F13A1: variants seen among roughly 807,000 people sequenced by gnomAD.
The protein encoded by F13A1 is FSF, A subunit.
Under a neutral mutation model 80.1 loss-of-function variants are expected in F13A1, and 47 were observed. The ratio of observed to expected loss-of-function variants is 0.59; its 90% CI spans 0.46 to 0.75. The LOEUF (loss-of-function observed/expected upper bound fraction) is 0.75, where lower values mean the gene tolerates loss of function less well. Ranked by LOEUF, F13A1 falls within the 30% of genes least tolerant of loss-of-function variation. F13A1 has a pLI of 0.00. For missense variants in F13A1, 817 were observed against 930.4 expected (o/e 0.88, Z 1.59); for synonymous variants, 349 against 344.9 (o/e 1.01, Z -0.13).
chr6:6,279,989 T>G (rs1438792881), intron 3 of F13A1, among the ~76,000 whole-genome samples: 1 of 152,228 alleles, frequency 6.6e-6, no homozygotes, highest in Non-Finnish European at 1.5e-5. Flanking sequence ...CTTTGGAGTA[T>G]ATATGAATGC....
chr6:6,187,186 T>G (rs2151078933), intron 10 of F13A1, among the ~76,000 whole-genome samples: 1 of 130,348 alleles, frequency 7.7e-6, no homozygotes, highest in South Asian at 2.5e-4. Flanking sequence ...ACAATTTCAC[T>G]TCCTCTTTTC....
At chr6:6,159,576 G>C (rs1162597030) in intron 13 of F13A1, among the ~76,000 whole-genome samples, 1 of 152,170 alleles carries the variant, frequency 6.6e-6, no homozygotes, top group Non-Finnish European at 1.5e-5. Flanking sequence ...GTTGGCGAGT[G>C]GGCTGGACTG....
intron 8 of F13A1, among the ~76,000 whole-genome samples, chr6:6,216,679 GATCTAATGAAACT>G: frequency 6.7e-6 from 1 of 148,454 alleles, no homozygotes; most frequent in South Asian, 2.1e-4. Flanking sequence ...TGACAAATGG[GATCTAATGAAACT>G]CAAGAGCTTC....
chr6:6,216,063 G>A (rs1583076378), intron 8 of F13A1, among the ~76,000 whole-genome samples: 1 of 146,148 alleles, frequency 6.8e-6, no homozygotes, highest in African/African-American at 2.6e-5. Flanking sequence ...CATGCGCATG[G>A]GTAGCAAGAA....
At chr6:6,270,256 C>A (rs529582438) in intron 3 of F13A1, among the ~76,000 whole-genome samples, 1 of 152,256 alleles carries the variant, frequency 6.6e-6, no homozygotes, top group East Asian at 1.9e-4. Context: ...TGAAGTCTAA[C>A]ACTTGAGCCT....
intron 2 of F13A1, among the ~76,000 whole-genome samples, chr6:6,306,173 T>C (rs575632559): frequency 6.6e-6 from 1 of 152,286 alleles, no homozygotes; most frequent in South Asian, 2.1e-4. Context: ...TTCCATGAGA[T>C]AAGTGTGATT....
intron 3 of F13A1, among the ~76,000 whole-genome samples, chr6:6,299,976 A>C (rs567780362): frequency 0.01 from 1,507 of 147,048 alleles, 44 homozygotes; most frequent in Non-Finnish European, 0.014. Context: ...CAGACAGGAC[A>C]CTCAGCTGCA....
intron 2 of F13A1, among the ~76,000 whole-genome samples, chr6:6,314,126 C>T (rs1181398958): frequency 1.2e-4 from 18 of 151,796 alleles, no homozygotes; most frequent in Admixed American, 1.1e-3. Flanking sequence ...GGATTACAGG[C>T]GCCAACCACC....
chr6:6,188,139 G>C (rs974115184), intron 10 of F13A1, among the ~76,000 whole-genome samples: 1 of 151,888 alleles, frequency 6.6e-6, no homozygotes, highest in Non-Finnish European at 1.5e-5. Context: ...TCTTGCTTGC[G>C]GTCTATCAGT....
chr6:6,259,928 C>G (rs1463372916), intron 4 of F13A1, among the ~76,000 whole-genome samples: 1 of 152,200 alleles, frequency 6.6e-6, no homozygotes, highest in Non-Finnish European at 1.5e-5. Context: ...TCAGGACCCA[C>G]TATCTGGCAC....
intron 2 of F13A1, among the ~76,000 whole-genome samples, chr6:6,312,694 A>C (rs1407391084): frequency 1.3e-5 from 2 of 150,770 alleles, no homozygotes; most frequent in Non-Finnish European, 2.9e-5. Context: ...AAAACAAAAA[A>C]AGTCTGTCTT....
intron 3 of F13A1, among the ~76,000 whole-genome samples, chr6:6,284,664 C>T (rs769563153): frequency 3.3e-5 from 5 of 152,186 alleles, no homozygotes; most frequent in Non-Finnish European, 5.9e-5. Flanking sequence ...TGCAGCCAGA[C>T]ACTTGATTCA....
intron 3 of F13A1, among the ~76,000 whole-genome samples, chr6:6,296,721 A>G (rs1758333862): frequency 6.8e-6 from 1 of 146,192 alleles, no homozygotes; most frequent in Non-Finnish European, 1.5e-5. Flanking sequence ...CTCTTCTCCT[A>G]ATTGAATACC....
intron 8 of F13A1, among the ~76,000 whole-genome samples, chr6:6,202,789 G>A (rs563446192): frequency 2.0e-4 from 31 of 152,296 alleles, no homozygotes; most frequent in Middle Eastern, 3.4e-3. Context: ...TGTGTGTTCC[G>A]TGCAGTGACA....
intron 3 of F13A1, among the ~76,000 whole-genome samples, chr6:6,276,508 C>T (rs1487064250): frequency 6.6e-6 from 1 of 152,226 alleles, no homozygotes; most frequent in East Asian, 1.9e-4. Context: ...TAAGCTCCCA[C>T]TGCTTACAAA....
In F13A1 at chr6:6,170,551, T is replaced by A. The variant is rs181290583; in HGVS notation, c.1748-2933A>T. Among the ~76,000 whole-genome samples, 5 of 152,318 alleles carry A rather than the reference T, an allele frequency of 3.3e-5. No individual in the cohort carries two copies. The East Asian group carries it at 9.6e-4, about 29-fold the overall frequency. ...TAGGGCTGGGATGCTGCCAATATCA[T>A]TTACGGTGTCTGGGGAAAGCCAAGG... On this transcript the variant is annotated intron_variant, in intron 12 of 14. Transcript: ENST00000264870.
rs1432715926 is a variant in F13A1 at position 6,315,078 on chromosome 6, A to G, written c.130+3457T>C. On this transcript the variant is annotated intron_variant, in intron 2 of 14. Coordinates refer to ENST00000264870, the MANE Select transcript of F13A1 (RefSeq NM_000129.4). ...TTGCTTTCCAGTTTTAATTCAATAC[A>G]ATAGAACTGTTAAATGATTCCAATT... Among the ~76,000 whole-genome samples, 5 of 152,256 alleles carry G rather than the reference A, an allele frequency of 3.3e-5. 1 individual carries two copies. The highest frequency in any genetic ancestry group is 2.6e-4 in the Admixed American group (4 of 15,286).
At chr6:6,225,698 T>G (rs575145417) in intron 6 of F13A1, among the ~76,000 whole-genome samples, 2 of 152,210 alleles carry the variant, frequency 1.3e-5, no homozygotes, top group South Asian at 2.1e-4. Context: ...AGCCAGGGTC[T>G]CCCTATGTTG....
chr6:6,277,012 A>T (rs1757997521), intron 3 of F13A1, among the ~76,000 whole-genome samples: 1 of 152,188 alleles, frequency 6.6e-6, no homozygotes, highest in Admixed American at 6.5e-5. Context: ...AGCCGCAGCC[A>T]TGATGGGATG....
Sources: allele counts gnomAD v4.1 joint callset (sites outside exome capture counted in the v4.1 genomes callset), GRCh38; gene constraint gnomAD v4.1.1; transcripts MANE v1.5; gene names NCBI Gene and HGNC (gene_info 2026-07-23, HGNC 2026-07-21).